The following PCDHA13 variants were observed in gnomAD, a reference collection of about 807,000 sequenced individuals.
PCDHA13 encodes the protein protocadherin alpha-13.
In PCDHA13, 54 loss-of-function variants were observed where a neutral mutation model predicts 64.8. The ratio of observed to expected loss-of-function variants is 0.83; its 90% CI spans 0.67 to 1.04. The LOEUF (loss-of-function observed/expected upper bound fraction) is 1.04. PCDHA13 is among the 50% of genes least tolerant of loss of function. The pLI is 0.00. For missense variants in PCDHA13, 1,248 were observed against 1,254.3 expected, an observed-to-expected ratio of 0.99 and a Z score of 0.08; for synonymous variants, 587 against 564.4, an observed-to-expected ratio of 1.04 and a Z score of -0.57.
At chr5:140,994,325 A>G (rs879964488) in intron 3 of PCDHA13, among the ~76,000 whole-genome samples, 8 of 152,190 alleles carry the variant, frequency 5.3e-5, no homozygotes, top group African/African-American at 7.2e-5. Flanking sequence ...ACTCTCAGCA[A>G]CCATGAACAG....
chr5:140,939,269 A>G (rs1167199684), intron 1 of PCDHA13, among the ~76,000 whole-genome samples: 1 of 152,070 alleles, frequency 6.6e-6, no homozygotes, highest in Non-Finnish European at 1.5e-5. Flanking sequence ...CTTTTATGAG[A>G]GCTGTGCCCT....
At chr5:140,943,316 A>G (rs1326467105) in intron 1 of PCDHA13, among the ~76,000 whole-genome samples, 3 of 151,868 alleles carry the variant, frequency 2.0e-5, no homozygotes, top group African/African-American at 4.8e-5. Context: ...ATTATTAGCA[A>G]TATTGTGTAG....
Position 140,883,686 on chromosome 5 carries a change from A to G in PCDHA13, c.1418A>G (p.His473Arg), listed in dbSNP as rs1380292802. The G allele has an allele frequency of 6.2e-7, 1 of 1,613,664 alleles. No individual in the cohort carries two copies. Among genetic ancestry groups the G allele is most frequent in the East Asian group, 2.2e-5 (1 of 44,866 alleles). The change falls in exon 1 of 4, where the codon CAC (histidine) becomes CGC (arginine). Residue 473 changes from histidine to arginine, a missense_variant. Transcript: ENST00000289272. ...AAGGAAAACAATCCGCCGGGCTGCC[A>G]CATCTTCACGGTGTCTGCTCAGGAC... ...FVKENNPPGC[H>R]IFTVSAQDAD...
chr5:140,967,088 GAGGCGCTGTGTGAGC>G, intron 1 of PCDHA13: 1 of 1,613,226 alleles, frequency 6.2e-7, no homozygotes, highest in Non-Finnish European at 8.5e-7. Context: ...CATTGATCGG[GAGGCGCTGTGTGAGC>G]AGCGGCCTCG....
At chr5:140,984,965 T>G (rs2097128606) in intron 3 of PCDHA13, among the ~76,000 whole-genome samples, 1 of 151,666 alleles carries the variant, frequency 6.6e-6, no homozygotes, top group Non-Finnish European at 1.5e-5. Context: ...TGAGACAGAG[T>G]CTCGCTCTGT....
At chr5:140,926,728 T>G in intron 1 of PCDHA13, 4 of 1,061,710 alleles carry the variant, frequency 3.8e-6, no homozygotes, top group Non-Finnish European at 5.0e-6. Flanking sequence ...AATGCCGGCG[T>G]TCGGGAGGCG....
intron 1 of PCDHA13, chr5:140,967,799 A>G: frequency 1.2e-6 from 2 of 1,614,190 alleles, no homozygotes; most frequent in Non-Finnish European, 1.7e-6. Context: ...TCCAGTGCCC[A>G]TGGCAGGTCA....
At chr5:140,912,721 A>G (rs377668484) in intron 1 of PCDHA13, among the ~76,000 whole-genome samples, 2 of 152,066 alleles carry the variant, frequency 1.3e-5, no homozygotes, top group East Asian at 1.9e-4. Flanking sequence ...TCTCCATTCA[A>G]TATGATGTTG....
At chr5:140,920,412 ACAGCTGTTCTC>A (rs1294144005) in intron 1 of PCDHA13, among the ~76,000 whole-genome samples, 2 of 152,146 alleles carry the variant, frequency 1.3e-5, no homozygotes, top group African/African-American at 4.8e-5. Context: ...TTAATCAGAT[ACAGCTGTTCTC>A]CCACACACCT....
chr5:141,009,716 C>A lies in PCDHA13; in HGVS notation c.2632C>A (p.Gln878Lys). Residue 878 changes from glutamine (Q) to lysine (K), a missense_variant, in exon 4 of 4, where the codon CAA becomes AAA. Transcript: ENST00000289272. ...TFKYGPGNPK[Q>K]SGPGELPDKF... is the part of the protein sequence containing the mutation. ...TAAATACGGACCAGGCAACCCCAAACAATCCGGTCCCGGTGAGTTGCCCGA... is the reference window on the plus strand; with the variant it reads ...TAAATACGGACCAGGCAACCCCAAAAAATCCGGTCCCGGTGAGTTGCCCGA... 3 of 1,614,168 alleles carry A rather than the reference C, an allele frequency of 1.9e-6. No homozygotes were observed. The highest frequency in any genetic ancestry group is 2.5e-6 in the Non-Finnish European group (3 of 1,180,034).
At chr5:140,905,950 T>C (rs2072233262) in intron 1 of PCDHA13, among the ~76,000 whole-genome samples, 1 of 152,206 alleles carries the variant, frequency 6.6e-6, no homozygotes, top group Non-Finnish European at 1.5e-5. Flanking sequence ...TGGAATCCGA[T>C]GTTCAAGGGG....
chr5:140,967,842 A>G (rs1239466478), intron 1 of PCDHA13: 1 of 1,614,042 alleles, frequency 6.2e-7, no homozygotes, highest in Non-Finnish European at 8.5e-7. Flanking sequence ...GTGGACGTGA[A>G]TGACAATGCC....
At chr5:140,994,561 C>T (rs967006511) in intron 3 of PCDHA13, among the ~76,000 whole-genome samples, 2 of 151,800 alleles carry the variant, frequency 1.3e-5, no homozygotes, top group East Asian at 1.9e-4. Context: ...AAAAATTAGC[C>T]GGGTGTGGTG....
intron 3 of PCDHA13, among the ~76,000 whole-genome samples, chr5:140,998,010 C>A (rs2097793505): frequency 6.6e-6 from 1 of 152,096 alleles, no homozygotes; most frequent in Admixed American, 6.6e-5. Flanking sequence ...GCCTTCCATC[C>A]CCACCTCGAG....
chr5:140,968,569 C>G (rs1554230875), intron 1 of PCDHA13: 18 of 1,614,086 alleles, frequency 1.1e-5, no homozygotes, highest in Non-Finnish European at 1.5e-5. Context: ...CCCCTGCTGG[C>G]TACCTGGTCA....
chr5:140,928,501 G>A, intron 1 of PCDHA13: 1 of 1,614,184 alleles, frequency 6.2e-7, no homozygotes. Flanking sequence ...TCCCAGAAGT[G>A]CAACAGTGAC....
chr5:140,982,299 T>C, intron 2 of PCDHA13, 176 bp from the exon 3 acceptor site: 1 of 1,200,862 alleles, frequency 8.3e-7, no homozygotes, highest in South Asian at 1.7e-5. Flanking sequence ...AAGTCAGCAA[T>C]GCTTCTGCAG....
chr5:140,993,783 T>C (rs1402072576), intron 3 of PCDHA13, among the ~76,000 whole-genome samples: 2 of 152,230 alleles, frequency 1.3e-5, no homozygotes, highest in East Asian at 3.9e-4. Flanking sequence ...TTTTGTACAG[T>C]AACATGCTGT....
intron 1 of PCDHA13, among the ~76,000 whole-genome samples, chr5:140,887,315 C>G (rs1239122037): frequency 1.3e-5 from 2 of 152,116 alleles, no homozygotes; most frequent in Non-Finnish European, 2.9e-5. Flanking sequence ...CCAGGATAGT[C>G]TCGAACTCCT....
Sources: allele counts gnomAD v4.1 joint callset (sites outside exome capture counted in the v4.1 genomes callset), GRCh38; gene constraint gnomAD v4.1.1; transcripts MANE v1.5; gene names NCBI Gene and HGNC (gene_info 2026-07-23, HGNC 2026-07-21).